The following DYNC2LI1 variants were observed in gnomAD, a reference collection of about 807,000 sequenced individuals.
DYNC2LI1 encodes the protein cytoplasmic dynein 2 light intermediate chain 1.
In DYNC2LI1, 45 loss-of-function variants were observed where a neutral mutation model predicts 51.9. That is an observed-to-expected ratio of 0.87 (90% confidence interval 0.68 to 1.11). The LOEUF is 1.11. Among genes scored for constraint, DYNC2LI1 ranks in the 50% most tolerant of loss-of-function variants. DYNC2LI1 has a pLI of 0.00. For missense variants in DYNC2LI1, 490 were observed against 417.4 expected (o/e 1.17, Z -1.51); for synonymous variants, 130 against 137.8 (o/e 0.94, Z 0.40).
At chr2:43,774,294 G>A (rs1365733628) in intron 1 of DYNC2LI1, 148 bp downstream of exon 1, 10 of 1,047,790 alleles carry the variant, frequency 9.5e-6, no homozygotes, top group South Asian at 1.5e-5. Context: ...AATCAGCCTT[G>A]AGCATAAAGA....
At chr2:43,826,381 C>T in the DYNC2LI1 span, 2 of 1,614,002 alleles carry the variant, frequency 1.2e-6, no homozygotes, top group Non-Finnish European at 1.7e-6. Context: ...GAACCTCTTA[C>T]CTGAAAAAGC....
At chr2:43,809,602 A>G (rs1477650997) in intron 12 of DYNC2LI1, 103 bp from the exon 13 acceptor site, 3 of 738,260 alleles carry the variant, frequency 4.1e-6, no homozygotes, top group Non-Finnish European at 4.6e-6. Flanking sequence ...TAATGCTACT[A>G]AGGATTCATT....
chr2:43,824,194 T>C, the DYNC2LI1 span: 8 of 1,614,086 alleles, frequency 5.0e-6, no homozygotes, highest in Non-Finnish European at 6.8e-6. Context: ...CTAACAGGCA[T>C]TTCTCACATT....
At chr2:43,824,931 C>G in the DYNC2LI1 span, 9 of 1,613,996 alleles carry the variant, frequency 5.6e-6, no homozygotes, top group Admixed American at 6.7e-5. Context: ...CAAGGGTAAC[C>G]GCAGTCATTG....
At chr2:43,780,096 G>A (rs1225674837) in intron 2 of DYNC2LI1, among the ~76,000 whole-genome samples, 1 of 152,242 alleles carries the variant, frequency 6.6e-6, no homozygotes, top group Non-Finnish European at 1.5e-5. Context: ...TTAGTGGGGG[G>A]AAGAGGGGTG....
At chr2:43,827,091 A>C in the DYNC2LI1 span, among the ~76,000 whole-genome samples, 1 of 152,154 alleles carries the variant, frequency 6.6e-6, no homozygotes, top group East Asian at 1.9e-4. Context: ...TTGGGAGGTC[A>C]AGGCAGGCAG....
In DYNC2LI1 at chr2:43,800,920, A is replaced by T. The variant is rs376402052; in HGVS notation, c.731+3A>T. On this transcript the variant is annotated splice_donor_region_variant and intron_variant, in intron 9 of 12. Coordinates refer to ENST00000260605, the MANE Select transcript of DYNC2LI1 (RefSeq NM_016008.4). ...TTGGCATTTGGCATTGACAAAAGGT[A>T]CTGCTAAGATATTTTTTATATCATT... 1 of 1,578,236 alleles carries T rather than the reference A, an allele frequency of 6.3e-7. No individual in the cohort carries two copies. Among genetic ancestry groups the T allele is most frequent in the Admixed American group, 1.7e-5 (1 of 57,430 alleles).
At chr2:43,795,114 T>TA in intron 6 of DYNC2LI1, 1 of 997,236 alleles carries the variant, frequency 1.0e-6, no homozygotes, top group Non-Finnish European at 1.2e-6. Context: ...CTAATTAAAT[T>TA]ATAAAGTTGC....
intron 5 of DYNC2LI1, among the ~76,000 whole-genome samples, chr2:43,790,739 G>A (rs1673744708): frequency 6.6e-6 from 1 of 152,122 alleles, no homozygotes; most frequent in African/African-American, 2.4e-5. Context: ...ACTTCGTACA[G>A]GTTTGGGATA....
At chr2:43,812,959 G>A (rs1393454795), downstream of DYNC2LI1, 3 of 653,134 alleles carry the variant, frequency 4.6e-6, no homozygotes, top group East Asian at 2.7e-5. Flanking sequence ...TGCATTCAAG[G>A]CCTGCTTGGA....
At chr2:43,825,512 G>A in the DYNC2LI1 span, among the ~76,000 whole-genome samples, 2 of 152,204 alleles carry the variant, frequency 1.3e-5, no homozygotes, top group African/African-American at 4.8e-5. Context: ...GAAAAACACA[G>A]CCTTTGAAGC....
chr2:43,811,474 A>G (rs1443979192), downstream of DYNC2LI1, among the ~76,000 whole-genome samples: 1 of 152,204 alleles, frequency 6.6e-6, no homozygotes, highest in Admixed American at 6.5e-5. Context: ...GAACAAGTTC[A>G]TGCGCTCTCT....
the DYNC2LI1 span, among the ~76,000 whole-genome samples, chr2:43,826,992 G>A: frequency 1.3e-5 from 2 of 152,222 alleles, no homozygotes; most frequent in African/African-American, 4.8e-5. Context: ...AGGCATTTGG[G>A]TTCTTTAGAG....
At chr2:43,813,210 G>A, downstream of DYNC2LI1, 1 of 1,609,530 alleles carries the variant, frequency 6.2e-7, no homozygotes, top group Non-Finnish European at 8.5e-7. Flanking sequence ...AAAGTTCATT[G>A]TGAATCTAGA....
At chr2:43,784,956 A>G (rs1673457215) in intron 3 of DYNC2LI1, among the ~76,000 whole-genome samples, 1 of 152,170 alleles carries the variant, frequency 6.6e-6, no homozygotes, top group African/African-American at 2.4e-5. Flanking sequence ...AAACATAATT[A>G]TGTAAGTCAC....
the DYNC2LI1 span, chr2:43,828,001 G>C: frequency 1.2e-6 from 2 of 1,614,060 alleles, no homozygotes; most frequent in African/African-American, 2.7e-5. Context: ...TGGAGCAGCT[G>C]GGCTGCGATG....
chr2:43,798,057 G>A lies in DYNC2LI1; in HGVS notation c.654+1262G>A, dbSNP rs189927101. Among the ~76,000 whole-genome samples, 504 of 151,904 alleles carry A rather than the reference G, an allele frequency of 3.3e-3. 6 individuals are homozygous for A. The highest frequency in any genetic ancestry group is 0.012 in the African/African-American group (484 of 41,402). ...TGGGAGGATCACATGAGCTCAGGAGGTCAAGGCTGCAGTGAACCAAAATCA... is the reference window on the plus strand; with the variant it reads ...TGGGAGGATCACATGAGCTCAGGAGATCAAGGCTGCAGTGAACCAAAATCA... On this transcript the variant is annotated intron_variant, in intron 8 of 12. Transcript: ENST00000260605.
chr2:43,811,057 T>C (rs1306851718), downstream of DYNC2LI1, among the ~76,000 whole-genome samples: 1 of 152,206 alleles, frequency 6.6e-6, no homozygotes, highest in African/African-American at 2.4e-5. Context: ...GTTTCTGAGC[T>C]AGAATGAAAT....
chr2:43,794,830 C>G, intron 6 of DYNC2LI1, 187 bp downstream of exon 6: 1 of 1,448,696 alleles, frequency 6.9e-7, no homozygotes, highest in Non-Finnish European at 9.1e-7. Flanking sequence ...GAAGAAGATT[C>G]CTTATATCTT....
Sources: gnomAD v4.1 joint callset for allele counts (sites outside exome capture counted in the v4.1 genomes callset) on GRCh38, gnomAD v4.1.1 for gene constraint, MANE v1.5 for transcripts, NCBI Gene and HGNC (gene_info 2026-07-23, HGNC 2026-07-21) for gene names.